The following GATAD2B variants were observed in gnomAD, a reference collection of about 807,000 sequenced individuals.
The protein encoded by GATAD2B is transcriptional repressor p66-beta.
Under a neutral mutation model 64.3 loss-of-function variants are expected in GATAD2B, and 8 were observed. The observed-to-expected ratio is 0.12, with a 90% confidence interval of 0.07 to 0.22. The LOEUF (loss-of-function observed/expected upper bound fraction) is 0.22, where lower values mean the gene tolerates loss of function less well. Ranked by LOEUF, GATAD2B falls within the 10% of genes least tolerant of loss-of-function variation. GATAD2B has a pLI of 1.00. For missense variants in GATAD2B, 453 were observed against 752.0 expected, an observed-to-expected ratio of 0.60 and a Z score of 4.65; for synonymous variants, 281 against 271.3, an observed-to-expected ratio of 1.04 and a Z score of -0.35.
intron 1 of GATAD2B, among the ~76,000 whole-genome samples, chr1:153,885,077 A>G (rs1677137933): frequency 6.6e-6 from 1 of 152,150 alleles, no homozygotes; most frequent in South Asian, 2.1e-4. Flanking sequence ...TCTTCTGGAT[A>G]TGGAAATTAA....
At position 153,846,537 on chromosome 1, in the gene GATAD2B, C is replaced by A. The variant is rs541469079; in HGVS notation, c.-1-18189G>T. On this transcript the variant is annotated intron_variant, in intron 1 of 10. Coordinates refer to ENST00000368655, the MANE Select transcript of GATAD2B (RefSeq NM_020699.4). ...ACAGGCATTAGCCACCGTGTCCAAC[C>A]CCTTCTTGTTCTTTGCGTTCTTTTT... 4.6e-5 allele frequency among the ~76,000 whole-genome samples: 7 copies of A among 151,744 alleles called. No individual in the cohort carries two copies. The South Asian group carries it at 1.2e-3, about 27-fold the overall frequency.
intron 1 of GATAD2B, among the ~76,000 whole-genome samples, chr1:153,897,052 AT>A (rs1677619319): frequency 7.0e-6 from 1 of 143,826 alleles, no homozygotes; most frequent in South Asian, 2.2e-4. Context: ...TTTTTTTGAG[AT>A]GGAGTGTTGC....
chr1:153,842,707 C>T (rs1675540410), intron 1 of GATAD2B, among the ~76,000 whole-genome samples: 1 of 151,934 alleles, frequency 6.6e-6, no homozygotes, highest in East Asian at 1.9e-4. Flanking sequence ...GGCTGGAGTG[C>T]AATGGCACAA....
chr1:153,841,517 C>T (rs1042398568), intron 1 of GATAD2B, among the ~76,000 whole-genome samples: 3 of 152,176 alleles, frequency 2.0e-5, no homozygotes, highest in Admixed American at 2.0e-4. Context: ...AAAATGTTTG[C>T]TTTTCAAACT....
chr1:153,917,096 G>A (rs982151357), intron 1 of GATAD2B, among the ~76,000 whole-genome samples: 4 of 139,514 alleles, frequency 2.9e-5, no homozygotes, highest in Non-Finnish European at 4.6e-5. Flanking sequence ...GTGAGCCCCC[G>A]CACCCGGCCT....
At chr1:153,886,716 T>A (rs575435323) in intron 1 of GATAD2B, among the ~76,000 whole-genome samples, 2 of 151,266 alleles carry the variant, frequency 1.3e-5, no homozygotes, top group Non-Finnish European at 2.9e-5. Flanking sequence ...CACGCCCGGC[T>A]AATTTTTTTT....
intron 1 of GATAD2B, among the ~76,000 whole-genome samples, chr1:153,897,975 G>A (rs1677648638): frequency 7.3e-6 from 1 of 136,448 alleles, no homozygotes; most frequent in Admixed American, 7.9e-5. Context: ...ATGAGACCCT[G>A]TCTCAAAAAA....
intron 1 of GATAD2B, among the ~76,000 whole-genome samples, chr1:153,901,694 T>C (rs182170325): frequency 6.6e-6 from 1 of 150,922 alleles, no homozygotes; most frequent in East Asian, 2.0e-4. Flanking sequence ...CATGGTGGCG[T>C]GTACCTGTAA....
In GATAD2B at chr1:153,828,035, C is replaced by T. The variant is rs1486637024; in HGVS notation, c.313G>A (p.Val105Met). The change falls in exon 2 of 11, where the codon GTG becomes ATG. Residue 105 changes from valine to methionine, a missense_variant. Around this residue, in one of 2 missense-constraint regions of GATAD2B, gnomAD observed 293 missense variants for 417.2 expected, o/e 0.70. Coordinates refer to ENST00000368655, the MANE Select transcript of GATAD2B (RefSeq NM_020699.4). ...PGKENINDEP[V>M]DMSARRSEPE... ...TACCTCCGTCTAGCACTCATATCCA[C>T]AGGCTCATCATTGATGTTTTCTTTG... 1.9e-6 allele frequency: 3 copies of T among 1,613,916 alleles called. No homozygotes were observed. Among genetic ancestry groups the T allele is most frequent in the South Asian group, 1.1e-5 (1 of 91,068 alleles).
chr1:153,896,170 AT>A lies in GATAD2B; in HGVS notation c.-2+26562del, dbSNP rs1557827634. On this transcript the variant is annotated intron_variant, in intron 1 of 10. Coordinates refer to ENST00000368655, the MANE Select transcript of GATAD2B (RefSeq NM_020699.4). ...ATGAGATTCTGTCTCTTAAAAATAT[AT>A]TTTAAAAAAAATCCATCTAACAAGG... Among the ~76,000 whole-genome samples the A allele has an allele frequency of 2.0e-5, 3 of 152,138 alleles. No homozygotes were observed. The South Asian group carries it at 6.2e-4, about 32-fold the overall frequency.
chr1:153,880,110 C>T (rs909911818), intron 1 of GATAD2B, among the ~76,000 whole-genome samples: 3 of 152,082 alleles, frequency 2.0e-5, no homozygotes, highest in African/African-American at 7.2e-5. Flanking sequence ...CTTTTTGCTT[C>T]TCCTTAAGAA....
At chr1:153,867,859 CA>C (rs1676531371) in intron 1 of GATAD2B, among the ~76,000 whole-genome samples, 1 of 150,296 alleles carries the variant, frequency 6.7e-6, no homozygotes, top group Non-Finnish European at 1.5e-5. Context: ...GACTCCGTCT[CA>C]AAAAACAACA....
intron 1 of GATAD2B, among the ~76,000 whole-genome samples, chr1:153,872,729 T>C (rs1557815635): frequency 1.3e-5 from 2 of 152,184 alleles, no homozygotes; most frequent in African/African-American, 2.4e-5. Flanking sequence ...TAACGTACTT[T>C]GTTGGTTATT....
At chr1:153,813,014 G>C (rs1373751574) in intron 8 of GATAD2B, among the ~76,000 whole-genome samples, 1 of 152,284 alleles carries the variant, frequency 6.6e-6, no homozygotes, top group South Asian at 2.1e-4. Context: ...GAGTGCTATG[G>C]AAAAGCCAAG....
intron 1 of GATAD2B, among the ~76,000 whole-genome samples, chr1:153,867,428 G>A (rs1002755228): frequency 6.6e-6 from 1 of 152,076 alleles, no homozygotes; most frequent in Non-Finnish European, 1.5e-5. Flanking sequence ...AGGAGTGTCT[G>A]GACTCAGGAG....
chr1:153,841,169 A>G (rs563239574), intron 1 of GATAD2B, among the ~76,000 whole-genome samples: 1 of 152,170 alleles, frequency 6.6e-6, no homozygotes, highest in East Asian at 1.9e-4. Context: ...AGATGGAGAT[A>G]AAGAAGATCT....
intron 1 of GATAD2B, among the ~76,000 whole-genome samples, chr1:153,868,055 G>C (rs1431267248): frequency 2.6e-5 from 4 of 151,836 alleles, no homozygotes; most frequent in African/African-American, 9.7e-5. Flanking sequence ...ACAAAAATTA[G>C]CCAGGCGTGG....
Position 153,816,509 on chromosome 1 carries a change from C to T in GATAD2B, c.980G>A (p.Gly327Glu), listed in dbSNP as rs781540701. 6.2e-7 allele frequency: 1 copy of T among 1,613,654 alleles called. No individual in the cohort carries two copies. The highest frequency in any genetic ancestry group is 1.3e-5 in the African/African-American group (1 of 74,912). Residue 327 changes from glycine (G) to glutamate (E), a missense_variant, in exon 7 of 11, where the codon GGG becomes GAG. By Grantham distance (98) the Gly-to-Glu change is moderately conservative. Around this residue, in one of 2 missense-constraint regions of GATAD2B, gnomAD observed 293 missense variants for 417.2 expected, o/e 0.70. Coordinates refer to ENST00000368655, the MANE Select transcript of GATAD2B (RefSeq NM_020699.4). The surrounding 1 kb of genome is among the most constrained non-coding windows in gnomAD (Gnocchi z 4.9). ...TGGCGAGGACACTCTGTTCACCGTC[C>T]CTGGCTGGATATGAGAAGCAAGGTT... ...YMNLASHIQP[G>E]TVNRVSSPLP...
At chr1:153,811,923 C>A (rs1674305374) in intron 9 of GATAD2B, 75 bp from the exon 10 acceptor site, 3 of 1,238,046 alleles carry the variant, frequency 2.4e-6, no homozygotes, top group Non-Finnish European at 3.6e-6. Flanking sequence ...TAAGGGAGTA[C>A]AGAAGAAGAC....
Sources: gnomAD v4.1 joint callset for allele counts (sites outside exome capture counted in the v4.1 genomes callset) on GRCh38, gnomAD v4.1.1 for gene constraint, gnomAD v4.1.1 regional missense constraint, Gnocchi (gnomAD v3.1) non-coding constraint, MANE v1.5 for transcripts, NCBI Gene and HGNC (gene_info 2026-07-23, HGNC 2026-07-21) for gene names.